Variants in SUGCT observed in about 807,000 individuals in gnomAD.
The protein encoded by SUGCT is succinyl-CoA:glutarate-CoA transferase.
SUGCT carries 41 observed loss-of-function variants against 55.0 expected under a neutral mutation model. The observed-to-expected ratio is 0.74, with a 90% CI of 0.58 to 0.97. The LOEUF is 0.97. SUGCT is among the 50% of genes least tolerant of loss of function. SUGCT has a pLI of 0.00. For missense variants in SUGCT, 568 were observed against 547.8 expected, an observed-to-expected ratio of 1.04 and a Z score of -0.37; for synonymous variants, 187 against 200.4, an observed-to-expected ratio of 0.93 and a Z score of 0.56.
At chr7:40,496,797 A>T (rs1008688849) in intron 12 of SUGCT, among the ~76,000 whole-genome samples, 10 of 152,164 alleles carry the variant, frequency 6.6e-5, no homozygotes, top group African/African-American at 2.4e-4. Context: ...TGATCATATG[A>T]TTATCTCTCT....
At chr7:40,480,563 A>G (rs1790973218) in intron 11 of SUGCT, among the ~76,000 whole-genome samples, 1 of 152,064 alleles carries the variant, frequency 6.6e-6, no homozygotes, top group East Asian at 1.9e-4. Context: ...TGCCGTTGAC[A>G]TTTTGATAGG....
chr7:40,262,835 G>A (rs1432383528), intron 7 of SUGCT, among the ~76,000 whole-genome samples: 3 of 152,174 alleles, frequency 2.0e-5, no homozygotes. Flanking sequence ...AAAGATGGTA[G>A]CAAAAAGAAC....
At chr7:40,333,770 A>T (rs12672914) in intron 9 of SUGCT, among the ~76,000 whole-genome samples, 2 of 102,496 alleles carry the variant, frequency 2.0e-5, no homozygotes, top group African/African-American at 7.6e-5. Flanking sequence ...CTTTTTTTTT[A>T]AATTTAAGTT....
At chr7:40,418,555 G>T (rs1272068025) in intron 9 of SUGCT, among the ~76,000 whole-genome samples, 2 of 152,144 alleles carry the variant, frequency 1.3e-5, no homozygotes, top group African/African-American at 2.4e-5. Flanking sequence ...TTTTAGTCAG[G>T]CACAGGCTAA....
chr7:40,625,386 T>C (rs1799478956), intron 12 of SUGCT, among the ~76,000 whole-genome samples: 2 of 152,108 alleles, frequency 1.3e-5, no homozygotes, highest in African/African-American at 2.4e-5. Context: ...TCCATGTTCT[T>C]AAAAATTCTG....
the SUGCT span, among the ~76,000 whole-genome samples, chr7:41,025,554 A>G: frequency 6.6e-6 from 1 of 152,080 alleles, no homozygotes; most frequent in East Asian, 1.9e-4. Context: ...ATAGGATTTC[A>G]CCATATTGGC....
At chr7:40,395,722 AG>A (rs1489557885) in intron 9 of SUGCT, among the ~76,000 whole-genome samples, 1 of 152,086 alleles carries the variant, frequency 6.6e-6, no homozygotes, top group Non-Finnish European at 1.5e-5. Flanking sequence ...TGGAAGCATG[AG>A]AGCATTGAAG....
chr7:40,809,467 T>G (rs1164974059), intron 13 of SUGCT, among the ~76,000 whole-genome samples: 6 of 151,972 alleles, frequency 3.9e-5, no homozygotes, highest in African/African-American at 1.4e-4. Flanking sequence ...CCCAAAAAAG[T>G]AACTTATTTT....
chr7:40,498,303 A>G (rs555976142), intron 12 of SUGCT, among the ~76,000 whole-genome samples: 2 of 152,324 alleles, frequency 1.3e-5, no homozygotes, highest in South Asian at 4.1e-4. Flanking sequence ...AACTTATGAT[A>G]TATCCAGTGC....
chr7:40,740,392 TTTTA>T (rs1397392710), intron 12 of SUGCT, among the ~76,000 whole-genome samples: 1 of 151,228 alleles, frequency 6.6e-6, no homozygotes, highest in Non-Finnish European at 1.5e-5. Context: ...TATTTGTTCC[TTTTA>T]TTTTTATTTT....
At chr7:40,347,109 G>T (rs949900867) in intron 9 of SUGCT, among the ~76,000 whole-genome samples, 1 of 152,180 alleles carries the variant, frequency 6.6e-6, no homozygotes, top group African/African-American at 2.4e-5. Context: ...AGAGTTTGAG[G>T]TGCATGACAG....
At chr7:40,268,921 G>A in intron 7 of SUGCT, among the ~76,000 whole-genome samples, 1 of 152,236 alleles carries the variant, frequency 6.6e-6, no homozygotes, top group East Asian at 1.9e-4. Context: ...ACAGGCATGA[G>A]CCAATGTGCC....
chr7:40,323,096 C>G (rs1178776254), intron 9 of SUGCT, among the ~76,000 whole-genome samples: 1 of 151,700 alleles, frequency 6.6e-6, no homozygotes, highest in Non-Finnish European at 1.5e-5. Flanking sequence ...GGACAATTTT[C>G]CCATATGGCT....
intron 1 of SUGCT, among the ~76,000 whole-genome samples, chr7:40,136,028 G>A (rs1267969670): frequency 6.8e-6 from 1 of 146,452 alleles, no homozygotes; most frequent in Non-Finnish European, 1.5e-5. Flanking sequence ...AGACAGTCTC[G>A]CTCTGTCGCC....
At chr7:40,899,862 A>G in the SUGCT span, among the ~76,000 whole-genome samples, 1 of 152,224 alleles carries the variant, frequency 6.6e-6, no homozygotes, top group Admixed American at 6.5e-5. Flanking sequence ...TCCCGAGCGT[A>G]TGGCCATGTA....
intron 12 of SUGCT, among the ~76,000 whole-genome samples, chr7:40,696,528 A>G (rs955199976): frequency 1.1e-4 from 16 of 152,064 alleles, no homozygotes; most frequent in African/African-American, 3.6e-4. Flanking sequence ...CAAAGCCAAA[A>G]CTAGCCAAAT....
At chr7:40,416,409 A>G (rs1040431322) in intron 9 of SUGCT, among the ~76,000 whole-genome samples, 1 of 151,740 alleles carries the variant, frequency 6.6e-6, no homozygotes, top group Admixed American at 6.6e-5. Flanking sequence ...TCTGATTTTA[A>G]TGATGTTTTT....
At chr7:40,540,811 C>G (rs1413243831) in intron 12 of SUGCT, among the ~76,000 whole-genome samples, 1 of 152,190 alleles carries the variant, frequency 6.6e-6, no homozygotes, top group African/African-American at 2.4e-5. Context: ...TGCATTAACA[C>G]CTTCTTCCTT....
chr7:40,411,709 C>T (rs1284022405), intron 9 of SUGCT, among the ~76,000 whole-genome samples: 1 of 152,032 alleles, frequency 6.6e-6, no homozygotes, highest in Non-Finnish European at 1.5e-5. Flanking sequence ...TCCAACAGAT[C>T]CGTTGGTTGA....
Sources: allele counts gnomAD v4.1 joint callset (sites outside exome capture counted in the v4.1 genomes callset), GRCh38; gene constraint gnomAD v4.1.1; transcripts MANE v1.5; gene names NCBI Gene and HGNC (gene_info 2026-07-23, HGNC 2026-07-21).